The following CNTN5 variants were observed in gnomAD, a reference collection of about 807,000 sequenced individuals.
The protein encoded by CNTN5 is contactin-5.
A neutral mutation model predicts 129.1 loss-of-function variants in CNTN5; 77 were observed. The ratio of observed to expected loss-of-function variants is 0.60; its 90% CI spans 0.50 to 0.72. CNTN5 has a LOEUF of 0.72. CNTN5 is among the 30% of genes least tolerant of loss of function. CNTN5 has a pLI of 0.00. For synonymous variants in CNTN5, 509 were observed against 465.6 expected, an observed-to-expected ratio of 1.09 and a Z score of -1.20; for missense variants, 1,478 against 1,328.8, an observed-to-expected ratio of 1.11 and a Z score of -1.75.
intron 3 of CNTN5, among the ~76,000 whole-genome samples, chr11:99,810,344 T>G (rs777655960): frequency 9.9e-5 from 15 of 152,154 alleles, no homozygotes; most frequent in Non-Finnish European, 1.8e-4. Context: ...CTTGTAAATA[T>G]GTCTATTTTT....
At chr11:100,097,053 A>G (rs1945034557) in intron 13 of CNTN5, among the ~76,000 whole-genome samples, 1 of 152,110 alleles carries the variant, frequency 6.6e-6, no homozygotes, top group Admixed American at 6.6e-5. Context: ...ATGATCAACA[A>G]AATTCTAACT....
chr11:99,391,839 A>T (rs1941278268), intron 2 of CNTN5, among the ~76,000 whole-genome samples: 1 of 152,002 alleles, frequency 6.6e-6, no homozygotes, highest in Non-Finnish European at 1.5e-5. Context: ...ATTAGGTATA[A>T]GGGCACAAGA....
intron 4 of CNTN5, among the ~76,000 whole-genome samples, chr11:99,824,359 G>A (rs1170422054): frequency 1.3e-5 from 2 of 151,886 alleles, no homozygotes; most frequent in Non-Finnish European, 2.9e-5. Context: ...TTCTTGACTA[G>A]TGAGGTTGAA....
At chr11:99,057,783 TAA>T (rs1172860552) in intron 1 of CNTN5, among the ~76,000 whole-genome samples, 2 of 130,952 alleles carry the variant, frequency 1.5e-5, no homozygotes, top group African/African-American at 6.5e-5. Context: ...ACATGAAACA[TAA>T]GTGTGTGTGT....
At chr11:99,281,546 C>T (rs954625108) in intron 1 of CNTN5, among the ~76,000 whole-genome samples, 3 of 151,892 alleles carry the variant, frequency 2.0e-5, no homozygotes, top group African/African-American at 4.8e-5. Flanking sequence ...ATAAGTGCAT[C>T]CTTAAATATT....
chr11:99,924,699 C>T (rs1046625938), intron 7 of CNTN5, among the ~76,000 whole-genome samples: 3 of 152,020 alleles, frequency 2.0e-5, no homozygotes, highest in Admixed American at 2.0e-4. Flanking sequence ...TTTTTACTTT[C>T]ACCTATTTTT....
At position 100,255,761 on chromosome 11, in the gene CNTN5, A is replaced by T. The variant is rs1555050883; in HGVS notation, c.2007A>T (p.Gly669=). 1 of 1,613,144 alleles carries T rather than the reference A, an allele frequency of 6.2e-7. No individual in the cohort carries two copies. Residue 669 remains glycine (G), a splice_region_variant and synonymous_variant, in exon 17 of 25, where the codon GGA becomes GGT. Coordinates refer to ENST00000524871, the MANE Select transcript of CNTN5 (RefSeq NM_014361.4). ...TTATCCATTGCCTTTGACCTATAGG[A>T]CCCCCAGGCCCACCTGGGATAGTAA... ...VSDEAELLVR[G]PPGPPGIVIV...
intron 2 of CNTN5, among the ~76,000 whole-genome samples, chr11:99,352,793 T>C (rs1460572838): frequency 6.6e-6 from 1 of 152,148 alleles, no homozygotes; most frequent in Non-Finnish European, 1.5e-5. Context: ...AGAGGAAGGC[T>C]CTGGCCTACG....
chr11:100,148,241 G>A (rs1946922209), intron 13 of CNTN5, among the ~76,000 whole-genome samples: 1 of 152,078 alleles, frequency 6.6e-6, no homozygotes, highest in Non-Finnish European at 1.5e-5. Context: ...TTGTCCCATA[G>A]TTGTTTGGTC....
intron 1 of CNTN5, among the ~76,000 whole-genome samples, chr11:99,113,297 A>C (rs1857888165): frequency 1.3e-5 from 2 of 152,028 alleles, no homozygotes; most frequent in Admixed American, 1.3e-4. Context: ...AATTCTTCTC[A>C]AACCTATTTT....
At chr11:99,059,312 T>C (rs1000551023) in intron 1 of CNTN5, among the ~76,000 whole-genome samples, 1 of 152,096 alleles carries the variant, frequency 6.6e-6, no homozygotes, top group African/African-American at 2.4e-5. Flanking sequence ...ATGTAGACTA[T>C]TCTTTTACAA....
chr11:99,180,959 C>T (rs1297156491), intron 1 of CNTN5, among the ~76,000 whole-genome samples: 2 of 152,196 alleles, frequency 1.3e-5, no homozygotes, highest in Non-Finnish European at 2.9e-5. Flanking sequence ...CATAACAGTA[C>T]GCAGCTGAGC....
At chr11:100,350,661 A>G (rs986162519) in intron 23 of CNTN5, 41 bp from the exon 24 acceptor site, 1 of 1,496,392 alleles carries the variant, frequency 6.7e-7, no homozygotes, top group Non-Finnish European at 9.1e-7. Flanking sequence ...TGCATTTGTA[A>G]TCTTTCATAT....
At chr11:99,817,521 T>G (rs1033974187) in intron 3 of CNTN5, among the ~76,000 whole-genome samples, 2 of 152,132 alleles carry the variant, frequency 1.3e-5, no homozygotes, top group African/African-American at 4.8e-5. Flanking sequence ...TTTCATTGAT[T>G]ATTCTTATCT....
intron 3 of CNTN5, among the ~76,000 whole-genome samples, chr11:99,674,413 T>C (rs1953183039): frequency 1.3e-5 from 2 of 152,190 alleles, no homozygotes. Context: ...GCCTGTTCAC[T>C]CTGTTGATAG....
At chr11:99,702,835 A>G (rs1954581336) in intron 3 of CNTN5, among the ~76,000 whole-genome samples, 1 of 150,904 alleles carries the variant, frequency 6.6e-6, no homozygotes, top group African/African-American at 2.4e-5. Context: ...CTAAGGATAA[A>G]AGTAGGAATC....
At chr11:99,943,164 C>T (rs552283513) in intron 7 of CNTN5, among the ~76,000 whole-genome samples, 9 of 152,162 alleles carry the variant, frequency 5.9e-5, no homozygotes, top group South Asian at 2.1e-4. Context: ...AGGTTAAAAG[C>T]GTTTCTATTT....
chr11:100,320,981 C>T (rs954991428), intron 21 of CNTN5, among the ~76,000 whole-genome samples: 3 of 152,040 alleles, frequency 2.0e-5, no homozygotes, highest in Non-Finnish European at 4.4e-5. Flanking sequence ...ATTTTGAAGT[C>T]GGGTAGTTTG....
At chr11:99,177,660 T>C (rs148401630) in intron 1 of CNTN5, among the ~76,000 whole-genome samples, 14 of 152,250 alleles carry the variant, frequency 9.2e-5, no homozygotes, top group African/African-American at 3.1e-4. Context: ...GGTAAGTACA[T>C]AGTTACGTGT....
Sources: allele counts gnomAD v4.1 joint callset (sites outside exome capture counted in the v4.1 genomes callset), GRCh38; gene constraint gnomAD v4.1.1; transcripts MANE v1.5; gene names NCBI Gene and HGNC (gene_info 2026-07-23, HGNC 2026-07-21).